Variants in NLGN1 observed in about 807,000 individuals in gnomAD.
NLGN1 encodes neuroligin-1.
NLGN1 carries 12 observed loss-of-function variants against 65.5 expected under a neutral mutation model. The observed-to-expected ratio is 0.18, with a 90% CI of 0.12 to 0.30. The LOEUF (loss-of-function observed/expected upper bound fraction) is 0.30, where lower values mean the gene tolerates loss of function less well. Among genes scored for constraint, NLGN1 ranks in the 10% least tolerant of loss-of-function variants. The pLI is 1.00. For synonymous variants in NLGN1, 350 were observed against 359.5 expected (o/e 0.97, Z 0.30); for missense variants, 750 against 1,007.1 (o/e 0.74, Z 3.46).
At chr3:173,491,651 C>G (rs769537248) in intron 2 of NLGN1, among the ~76,000 whole-genome samples, 1 of 151,632 alleles carries the variant, frequency 6.6e-6, no homozygotes, top group Non-Finnish European at 1.5e-5. Context: ...GGTTTCATGT[C>G]TGCTAATACT....
chr3:173,687,859 A>T (rs1436073317), intron 3 of NLGN1, among the ~76,000 whole-genome samples: 1 of 152,226 alleles, frequency 6.6e-6, no homozygotes, highest in East Asian at 1.9e-4. Flanking sequence ...AACAAAAGAC[A>T]TTCTAAGGAA....
At chr3:173,732,448 G>A (rs960217401) in intron 3 of NLGN1, among the ~76,000 whole-genome samples, 2 of 152,216 alleles carry the variant, frequency 1.3e-5, no homozygotes, top group South Asian at 2.1e-4. Flanking sequence ...CTTTGAGGCC[G>A]TGTCTGTAAG....
chr3:173,472,376 C>T (rs1725458900), intron 2 of NLGN1, among the ~76,000 whole-genome samples: 3 of 151,788 alleles, frequency 2.0e-5, no homozygotes, highest in South Asian at 2.1e-4. Context: ...ATTGTTTTAC[C>T]TTCCAAAATC....
chr3:173,605,383 A>G (rs936631542), intron 3 of NLGN1, 151 bp from the exon 3 acceptor site: 4 of 442,410 alleles, frequency 9.0e-6, no homozygotes, highest in South Asian at 6.8e-5. Flanking sequence ...ATGCATCAAC[A>G]TTTCCTCATT....
chr3:173,613,093 AT>A (rs1301071202), intron 3 of NLGN1, among the ~76,000 whole-genome samples: 1 of 152,120 alleles, frequency 6.6e-6, no homozygotes, highest in Non-Finnish European at 1.5e-5. Flanking sequence ...AACATATAGA[AT>A]TTTGGGGAGA....
chr3:174,191,138 T>G (rs1732324811), intron 4 of NLGN1, among the ~76,000 whole-genome samples: 1 of 152,122 alleles, frequency 6.6e-6, no homozygotes, highest in African/African-American at 2.4e-5. Context: ...GTTCCCAGGC[T>G]TCTTAGGCCC....
chr3:173,695,274 T>G (rs868709211), intron 3 of NLGN1, among the ~76,000 whole-genome samples: 3 of 152,280 alleles, frequency 2.0e-5, no homozygotes, highest in Middle Eastern at 6.8e-3. Context: ...AACCAAACAT[T>G]ATTAATACAG....
intron 4 of NLGN1, among the ~76,000 whole-genome samples, chr3:174,191,721 AATACCCAG>A (rs1291849616): frequency 5.3e-5 from 8 of 152,142 alleles, no homozygotes; most frequent in African/African-American, 1.9e-4. Context: ...GATCATTAAG[AATACCCAG>A]ATGCTGTATC....
chr3:173,501,792 A>G lies in NLGN1; in HGVS notation c.-321+66714A>G, dbSNP rs998822759. 2.0e-5 allele frequency among the ~76,000 whole-genome samples: 3 copies of G among 151,988 alleles called. No individual in the cohort carries two copies. The East Asian group carries it at 5.8e-4, about 29-fold the overall frequency. ...CTCATAGTGTAAAGAATAGATATAGATAGAAGATTTTTATCAAAAGGAAAT... is the reference window on the plus strand; with the variant it reads ...CTCATAGTGTAAAGAATAGATATAGGTAGAAGATTTTTATCAAAAGGAAAT... On this transcript the variant is annotated intron_variant, in intron 2 of 6. Transcript: ENST00000457714.
intron 3 of NLGN1, among the ~76,000 whole-genome samples, chr3:173,793,897 C>A (rs936210875): frequency 6.6e-5 from 10 of 152,052 alleles, no homozygotes; most frequent in Non-Finnish European, 1.0e-4. Flanking sequence ...TAAATGGCTT[C>A]CATTGCTTTT....
At chr3:174,287,430 A>G (rs1363341979), downstream of NLGN1, among the ~76,000 whole-genome samples, 1 of 151,612 alleles carries the variant, frequency 6.6e-6, no homozygotes, top group Non-Finnish European at 1.5e-5. Flanking sequence ...AAACAGTTAA[A>G]AAACATATTC....
chr3:173,620,330 T>C (rs1445815512), intron 3 of NLGN1, among the ~76,000 whole-genome samples: 1 of 152,048 alleles, frequency 6.6e-6, no homozygotes, highest in East Asian at 1.9e-4. Context: ...TTGGTTGTTA[T>C]GGGGTGGCAA....
Position 174,276,150 on chromosome 3 carries a change from T to C in NLGN1, c.859+623T>C, listed in dbSNP as rs1215160395. On this transcript the variant is annotated intron_variant, in intron 5 of 6. Transcript: ENST00000457714. The stretch of plus-strand genomic sequence containing the variant: ...ATTTTTAACTCCAAAAGCATTATTT[T>C]TCCCCCTAAACTTGGCAAGGCAGCA... Among the ~76,000 whole-genome samples, 4 of 152,020 alleles carry C rather than the reference T, an allele frequency of 2.6e-5. No individual in the cohort carries two copies. The East Asian group carries it at 7.8e-4, about 30-fold the overall frequency.
chr3:174,023,655 T>C (rs1194017517), intron 4 of NLGN1, among the ~76,000 whole-genome samples: 1 of 152,150 alleles, frequency 6.6e-6, no homozygotes, highest in African/African-American at 2.4e-5. Flanking sequence ...GATGACTGTG[T>C]TGCTGCAGTC....
At chr3:173,496,044 C>T (rs563176637) in intron 2 of NLGN1, among the ~76,000 whole-genome samples, 17 of 151,370 alleles carry the variant, frequency 1.1e-4, no homozygotes, top group Admixed American at 1.1e-3. Flanking sequence ...TATGCTTGTT[C>T]TCATCTCCTG....
intron 2 of NLGN1, among the ~76,000 whole-genome samples, chr3:173,541,158 A>G (rs1738797169): frequency 6.6e-6 from 1 of 152,186 alleles, no homozygotes; most frequent in Non-Finnish European, 1.5e-5. Flanking sequence ...TGTACACAAT[A>G]AAGAACATTA....
chr3:173,539,797 C>CAT lies in NLGN1; in HGVS notation c.-320-64474_-320-64473dup, dbSNP rs145425280. Among the ~76,000 whole-genome samples the CAT allele has an allele frequency of 9.1e-3, 1,179 of 129,054 alleles. 19 individuals carry two copies. Among genetic ancestry groups the CAT allele is most frequent in the African/African-American group, 0.032 (1,066 of 33,228 alleles). The allele number at this position is 129,054 out of a possible 152,430, so 84.7% of individuals were successfully genotyped here. ...TAACACATATATATGTACATATATACATATATATACATATATACATATGTT... is the reference window on the plus strand; with the variant it reads ...TAACACATATATATGTACATATATACATATATATATACATATATACATATGTT... On this transcript the variant is annotated intron_variant, in intron 2 of 6. Coordinates refer to ENST00000457714, the Ensembl canonical transcript of NLGN1.
intron 3 of NLGN1, among the ~76,000 whole-genome samples, chr3:173,765,167 A>G (rs984240170): frequency 3.9e-5 from 6 of 151,988 alleles, no homozygotes; most frequent in Non-Finnish European, 7.4e-5. Context: ...TCTTGCTCAC[A>G]GAAGTATTTC....
intron 4 of NLGN1, among the ~76,000 whole-genome samples, chr3:174,088,740 G>A (rs1010223809): frequency 6.7e-6 from 1 of 150,136 alleles, no homozygotes; most frequent in African/African-American, 2.5e-5. Context: ...GCAATAGAGC[G>A]AGACTCCATC....
Sources: allele counts gnomAD v4.1 joint callset (sites outside exome capture counted in the v4.1 genomes callset), GRCh38; gene constraint gnomAD v4.1.1; transcripts MANE v1.5; gene names NCBI Gene and HGNC (gene_info 2026-07-23, HGNC 2026-07-21).